ANXA4: variants seen among roughly 807,000 people sequenced by gnomAD.
ANXA4 encodes the protein 35-beta calcimedin.
Under a neutral mutation model 49.8 loss-of-function variants are expected in ANXA4, and 39 were observed. The observed-to-expected ratio is 0.78, with a 90% CI of 0.61 to 1.02. ANXA4 has a LOEUF of 1.02. Among genes scored for constraint, ANXA4 ranks in the 50% least tolerant of loss-of-function variants. The probability of loss-of-function intolerance (pLI) is 0.00; values close to 1 mark genes in which losing one functional copy is unlikely to be tolerated. For missense variants in ANXA4, 360 were observed against 410.1 expected, an observed-to-expected ratio of 0.88 and a Z score of 1.05; for synonymous variants, 134 against 152.5, an observed-to-expected ratio of 0.88 and a Z score of 0.89.
chr2:69,707,842 G>T (rs951331137), intron 2 of ANXA4, among the ~76,000 whole-genome samples: 1 of 151,890 alleles, frequency 6.6e-6, no homozygotes, highest in East Asian at 1.9e-4. Context: ...CTATTTTTTT[G>T]TACCCATTAA....
At chr2:69,677,404 A>T (rs555441296) in intron 2 of ANXA4, among the ~76,000 whole-genome samples, 36 of 151,792 alleles carry the variant, frequency 2.4e-4, no homozygotes, top group African/African-American at 8.0e-4. Flanking sequence ...TGATTTTTGA[A>T]TTTTTAGTAG....
At chr2:69,648,784 G>A (rs1182774056) in intron 1 of ANXA4, among the ~76,000 whole-genome samples, 5 of 124,986 alleles carry the variant, frequency 4.0e-5, no homozygotes, top group East Asian at 2.8e-4. Flanking sequence ...GTGCACCACT[G>A]CACTCCATCT....
In ANXA4 at chr2:69,776,070, G is replaced by T. The variant is rs72905014; in HGVS notation, c.-46-5450G>T. ...TTCACTGCAGCCTCCACTTCTGGGG[G>T]TTCACATGATTCTCCTGCCTCAGCC... On this transcript the variant is annotated intron_variant, in intron 1 of 12. Coordinates refer to ENST00000394295, the MANE Select transcript of ANXA4 (RefSeq NM_001153.5). 6.7e-3 allele frequency among the ~76,000 whole-genome samples: 1,019 copies of T among 152,030 alleles called. 14 individuals carry two copies. Among genetic ancestry groups the T allele is most frequent in the African/African-American group, 0.023 (971 of 41,450 alleles).
At chr2:69,759,940 C>G (rs1671209502) in intron 1 of ANXA4, among the ~76,000 whole-genome samples, 1 of 152,134 alleles carries the variant, frequency 6.6e-6, no homozygotes, top group Non-Finnish European at 1.5e-5. Flanking sequence ...TCACGCCATT[C>G]TCCTGCCTCA....
intron 2 of ANXA4, among the ~76,000 whole-genome samples, chr2:69,704,897 T>C (rs977495948): frequency 6.6e-6 from 1 of 152,174 alleles, no homozygotes; most frequent in Non-Finnish European, 1.5e-5. Context: ...ATCATTTAAA[T>C]TAATAAATCC....
intron 2 of ANXA4, among the ~76,000 whole-genome samples, chr2:69,667,231 G>A (rs750324041): frequency 3.3e-5 from 5 of 151,980 alleles, no homozygotes; most frequent in African/African-American, 4.8e-5. Flanking sequence ...TGATACAAGT[G>A]TTCCAAAATT....
chr2:69,806,001 C>G (rs1673428308), intron 4 of ANXA4, among the ~76,000 whole-genome samples: 1 of 152,152 alleles, frequency 6.6e-6, no homozygotes, highest in South Asian at 2.1e-4. Context: ...TTTTGCAGAT[C>G]TCTTTAATGT....
At chr2:69,755,301 A>G (rs1168490570) in intron 1 of ANXA4, among the ~76,000 whole-genome samples, 1 of 152,244 alleles carries the variant, frequency 6.6e-6, no homozygotes, top group Non-Finnish European at 1.5e-5. Context: ...AATGTTCTTA[A>G]TGCCACTGAA....
At chr2:69,743,957 C>T (rs1670513554) in intron 1 of ANXA4, among the ~76,000 whole-genome samples, 1 of 152,130 alleles carries the variant, frequency 6.6e-6, no homozygotes, top group Non-Finnish European at 1.5e-5. Flanking sequence ...TGTTTATGTC[C>T]AGCCACTCAT....
At chr2:69,804,432 C>A in intron 3 of ANXA4, 101 bp from the exon 4 acceptor site, 3 of 1,000,248 alleles carry the variant, frequency 3.0e-6, no homozygotes, top group African/African-American at 1.6e-5. Flanking sequence ...TCTTAGAAAG[C>A]CCTCTGCATG....
rs747224820 is a variant in ANXA4, at chr2:69,781,625, C to T, written c.9+51C>T. 8.1e-6 allele frequency: 13 copies of T among 1,606,052 alleles called. No homozygotes were observed. In the South Asian group the frequency reaches 1.3e-4, roughly 16 times the overall value. ...ATCTGGTGCCAGCTGCCAACAGGTACAGAATGTGGGCTCAGCAACTGTTAG... is the reference window on the plus strand; with the variant it reads ...ATCTGGTGCCAGCTGCCAACAGGTATAGAATGTGGGCTCAGCAACTGTTAG... On this transcript the variant is annotated intron_variant, in intron 2 of 12. Transcript: ENST00000394295.
rs575505947 is a variant in ANXA4, at chr2:69,688,564, G to A, written n.767-32210G>A. Among the ~76,000 whole-genome samples, 5 of 152,238 alleles carry A rather than the reference G, an allele frequency of 3.3e-5. No individual in the cohort carries two copies. The South Asian group carries it at 8.3e-4, about 25-fold the overall frequency. On this transcript the variant is annotated intron_variant and non_coding_transcript_variant, in intron 2 of 3. Coordinates refer to the ANXA4 transcript ENST00000418066. ...GAAATATCCCCTTTTCAATGATATG[G>A]TTACGCTGAAGTACAGAAAATGTAA...
At chr2:69,781,690 G>T in intron 2 of ANXA4, 116 bp downstream of exon 2, 1 of 1,255,056 alleles carries the variant, frequency 8.0e-7, no homozygotes. Context: ...GGGGAAGGAG[G>T]AGGACATGAA....
intron 2 of ANXA4, among the ~76,000 whole-genome samples, chr2:69,702,835 A>G (rs1192738799): frequency 6.6e-6 from 1 of 152,216 alleles, no homozygotes. Context: ...AATCATATGT[A>G]TGTGGTTTTA....
chr2:69,809,042 C>T (rs1232477482), intron 6 of ANXA4: 1 of 152,028 alleles, frequency 6.6e-6, no homozygotes, highest in Non-Finnish European at 1.5e-5. Context: ...ATGCTATGAT[C>T]CCATTTTTAA....
chr2:69,792,244 T>G (rs994348312), intron 3 of ANXA4, among the ~76,000 whole-genome samples: 2 of 152,240 alleles, frequency 1.3e-5, no homozygotes, highest in African/African-American at 4.8e-5. Flanking sequence ...TTTGCCAAAA[T>G]GTTGAGCCAG....
chr2:69,652,596 T>C (rs751954911), intron 1 of ANXA4, among the ~76,000 whole-genome samples: 4 of 152,012 alleles, frequency 2.6e-5, no homozygotes, highest in Non-Finnish European at 5.9e-5. Flanking sequence ...CGGTGGCTCA[T>C]ACCTGTAATC....
chr2:69,749,770 A>G (rs1670761936), intron 1 of ANXA4, among the ~76,000 whole-genome samples: 1 of 151,940 alleles, frequency 6.6e-6, no homozygotes. Flanking sequence ...TACTAAAAAA[A>G]AAAAAATAGC....
chr2:69,745,868 GCATACTT>G (rs1263788052), intron 1 of ANXA4, among the ~76,000 whole-genome samples: 3 of 152,088 alleles, frequency 2.0e-5, no homozygotes, highest in African/African-American at 7.2e-5. Context: ...ATGAATATGT[GCATACTT>G]CATAAATTGA....
Sources: allele counts gnomAD v4.1 joint callset (sites outside exome capture counted in the v4.1 genomes callset), GRCh38; gene constraint gnomAD v4.1.1; transcripts MANE v1.5; gene names NCBI Gene and HGNC (gene_info 2026-07-23, HGNC 2026-07-21).